The following ABI1 variants were observed in gnomAD, a reference collection of about 807,000 sequenced individuals.
The protein encoded by ABI1 is Abelson interactor 1.
A neutral mutation model predicts 54.6 loss-of-function variants in ABI1; 14 were observed. The observed-to-expected ratio is 0.26, with a 90% CI of 0.17 to 0.40. The LOEUF (loss-of-function observed/expected upper bound fraction) is 0.40, where lower values mean the gene tolerates loss of function less well. Ranked by LOEUF, ABI1 falls within the 10% of genes least tolerant of loss-of-function variation. The pLI is 1.00. For missense variants in ABI1, 443 were observed against 598.3 expected (o/e 0.74, Z 2.71); for synonymous variants, 194 against 209.3 (o/e 0.93, Z 0.63).
chr10:26,765,830 C>A (rs1356039222), intron 6 of ABI1, among the ~76,000 whole-genome samples: 1 of 152,102 alleles, frequency 6.6e-6, no homozygotes, highest in Non-Finnish European at 1.5e-5. Flanking sequence ...TACTTCTCAA[C>A]CTATCTGGAA....
At chr10:26,754,950 C>CA (rs563509693) in intron 9 of ABI1, among the ~76,000 whole-genome samples, 23,054 of 151,760 alleles carry the variant, frequency 0.15, 2,224 homozygotes, top group African/African-American at 0.28. Context: ...TCTCCCCCCC[C>CA]ACAAAAAAAA....
At chr10:26,827,364 G>A (rs1409391501) in intron 1 of ABI1, among the ~76,000 whole-genome samples, 1 of 151,838 alleles carries the variant, frequency 6.6e-6, no homozygotes. Context: ...TGGCACTATA[G>A]GTGCCTGCCA....
At chr10:26,833,136 C>G (rs886440191) in intron 1 of ABI1, among the ~76,000 whole-genome samples, 7 of 152,196 alleles carry the variant, frequency 4.6e-5, no homozygotes, top group African/African-American at 1.7e-4. Context: ...GAAGCCCATT[C>G]ATTCCCAGCA....
Position 26,746,607 on chromosome 10 carries a change from T to TTTA in ABI1, c.*1960_*1962dup, listed in dbSNP as rs1346526630. 1 of 924,512 alleles carries TTTA rather than the reference T, an allele frequency of 1.1e-6. No homozygotes were observed. The highest frequency in any genetic ancestry group is 2.4e-5 in the Admixed American group (1 of 41,074). The allele number at this position is 924,512 out of a possible 1,614,324, so 57.3% of individuals were successfully genotyped here. On this transcript the variant is annotated 3_prime_UTR_variant, in exon 11 of 11. Coordinates refer to ENST00000376140, the MANE Select transcript of ABI1 (RefSeq NM_001012750.3). Reference sequence around the variant, plus strand: ...AGATATCAAACTTATTGATGGGCAATTTATTTTTTTTTATTGCAAAAGTTT... The same window carrying TTTA: ...AGATATCAAACTTATTGATGGGCAATTTATTATTTTTTTTTATTGCAAAAGTTT...
chr10:26,838,592 A>G (rs1472597378), intron 1 of ABI1, among the ~76,000 whole-genome samples: 1 of 152,212 alleles, frequency 6.6e-6, no homozygotes, highest in Non-Finnish European at 1.5e-5. Flanking sequence ...GGGAAACACT[A>G]AAGAATTTTT....
chr10:26,759,316 A>AG (rs1838789248), intron 7 of ABI1, 78 bp from the exon 8 acceptor site: 1 of 1,180,062 alleles, frequency 8.5e-7, no homozygotes, highest in Admixed American at 2.6e-5. Flanking sequence ...ACAAAGCAGG[A>AG]GGGGGCCTCA....
intron 1 of ABI1, among the ~76,000 whole-genome samples, chr10:26,853,456 G>C (rs1589090816): frequency 6.8e-6 from 1 of 147,396 alleles, no homozygotes; most frequent in Non-Finnish European, 1.5e-5. Context: ...ATGATATTAG[G>C]AAAAATATAC....
chr10:26,748,807 T>TGG, intron 10 of ABI1, 62 bp from the exon 11 acceptor site: 1 of 1,212,742 alleles, frequency 8.2e-7, no homozygotes, highest in Non-Finnish European at 1.2e-6. Context: ...ACTTGAATTT[T>TGG]AAGACAAAGA....
intron 1 of ABI1, among the ~76,000 whole-genome samples, chr10:26,854,357 A>G (rs1196453202): frequency 1.4e-5 from 2 of 138,466 alleles, no homozygotes; most frequent in African/African-American, 5.8e-5. Flanking sequence ...AATATGCAGT[A>G]TTCTCACCTT....
intron 8 of ABI1, among the ~76,000 whole-genome samples, chr10:26,758,579 A>G (rs971243619): frequency 6.6e-6 from 1 of 152,242 alleles, no homozygotes; most frequent in Admixed American, 6.5e-5. Flanking sequence ...CAGGCATCAC[A>G]AACAGTTTTA....
chr10:26,823,324 C>T lies in ABI1; in HGVS notation c.118-19G>A. On this transcript the variant is annotated intron_variant, in intron 1 of 10. Coordinates refer to ENST00000376140, the MANE Select transcript of ABI1 (RefSeq NM_001012750.3). ...CTGTAGCCTGAAATAAGAACAAAAA[C>T]AACAAATACTTATTTAGATTAACAT... is the stretch of plus-strand genomic sequence containing the variant. The T allele has an allele frequency of 6.7e-7, 1 of 1,485,830 alleles. No homozygotes were observed. The highest frequency in any genetic ancestry group is 8.9e-7 in the Non-Finnish European group (1 of 1,120,600). The allele number at this position is 1,485,830 out of a possible 1,614,324, so 92.0% of individuals were successfully genotyped here.
chr10:26,805,932 T>C (rs553325080), intron 2 of ABI1, among the ~76,000 whole-genome samples: 3 of 152,230 alleles, frequency 2.0e-5, no homozygotes, highest in Non-Finnish European at 4.4e-5. Context: ...TTTAGAACTT[T>C]AGGTTTTTGC....
intron 2 of ABI1, among the ~76,000 whole-genome samples, chr10:26,783,167 C>CAATA (rs1842339923): frequency 6.6e-6 from 1 of 152,056 alleles, no homozygotes; most frequent in Admixed American, 6.6e-5. Flanking sequence ...TATGGATGAA[C>CAATA]CTTGAGGACA....
At chr10:26,813,630 GA>G (rs2047377973) in intron 2 of ABI1, among the ~76,000 whole-genome samples, 1 of 152,162 alleles carries the variant, frequency 6.6e-6, no homozygotes, top group Admixed American at 6.5e-5. Context: ...ATATTTTTGT[GA>G]AGCAAAATTT....
chr10:26,851,771 G>A (rs2050414053), intron 1 of ABI1, among the ~76,000 whole-genome samples: 1 of 152,008 alleles, frequency 6.6e-6, no homozygotes, highest in African/African-American at 2.4e-5. Context: ...GAGGATAGCA[G>A]GTTTGGAGAT....
Position 26,747,013 on chromosome 10 carries a change from C to G in ABI1, c.*1557G>C, listed in dbSNP as rs1231701503. On this transcript the variant is annotated 3_prime_UTR_variant, in exon 11 of 11. Transcript: ENST00000376140. ...AAAGTAGAAGGTAGCTAGCTGATCA[C>G]TAATGATACTTTGTTTGTTTAAAAT... 1.8e-5 allele frequency: 4 copies of G among 226,264 alleles called. No homozygotes were observed. The highest frequency in any genetic ancestry group is 1.6e-4 in the Admixed American group (3 of 18,842). 14.0% of individuals were successfully genotyped at this position (226,264 alleles called of 1,614,324 possible).
At chr10:26,851,242 C>G (rs1483768449) in intron 1 of ABI1, among the ~76,000 whole-genome samples, 1 of 151,762 alleles carries the variant, frequency 6.6e-6, no homozygotes, top group Non-Finnish European at 1.5e-5. Context: ...GTTGCCCAGG[C>G]TGGAGTGCAG....
intron 1 of ABI1, among the ~76,000 whole-genome samples, chr10:26,852,297 T>C (rs1319605709): frequency 6.6e-6 from 1 of 151,920 alleles, no homozygotes; most frequent in Non-Finnish European, 1.5e-5. Flanking sequence ...CTGACCAACA[T>C]GGAGAAACCC....
chr10:26,761,809 C>T (rs1588778137), intron 7 of ABI1, among the ~76,000 whole-genome samples: 1 of 151,400 alleles, frequency 6.6e-6, no homozygotes, highest in East Asian at 1.9e-4. Context: ...TGTGGCTATG[C>T]ATATCAATGT....
Sources: gnomAD v4.1 joint callset for allele counts (sites outside exome capture counted in the v4.1 genomes callset) on GRCh38, gnomAD v4.1.1 for gene constraint, MANE v1.5 for transcripts, NCBI Gene and HGNC (gene_info 2026-07-23, HGNC 2026-07-21) for gene names.